The following HS3ST3B1 variants were observed in gnomAD, a reference collection of about 807,000 sequenced individuals.
HS3ST3B1 encodes heparan sulfate-glucosamine 3-sulfotransferase 3B1, also known as heparan sulfate glucosamine 3-O-sulfotransferase 3B1.
A neutral mutation model predicts 21.3 loss-of-function variants in HS3ST3B1; 13 were observed. That is an observed-to-expected ratio of 0.61 (90% CI 0.40 to 0.97). HS3ST3B1 has a LOEUF of 0.97. HS3ST3B1 is among the 50% of genes least tolerant of loss of function. The probability of loss-of-function intolerance (pLI) is 0.00; values close to 1 mark genes in which losing one functional copy is unlikely to be tolerated. For synonymous variants in HS3ST3B1, 234 were observed against 254.8 expected, an observed-to-expected ratio of 0.92 and a Z score of 0.78; for missense variants, 459 against 554.8, an observed-to-expected ratio of 0.83 and a Z score of 1.73.
At position 14,301,891 on chromosome 17, in the gene HS3ST3B1, A is replaced by G. The variant is rs1908944631; in HGVS notation, c.373A>G (p.Ile125Val). Residue 125 changes from isoleucine (I) to valine (V), a missense_variant, in exon 1 of 2, where the codon ATC becomes GTC. Physicochemically the swap from Ile to Val is conservative, Grantham distance 29 (BLOSUM62 3). Transcript: ENST00000360954. Reference protein sequence around the residue: ...SPEVPDSPSPISSFFSGSGSK... With the variant: ...SPEVPDSPSPVSSFFSGSGSK... The stretch of plus-strand genomic sequence containing the variant: ...CGAGGTGCCGGACTCCCCAAGCCCC[A>G]TCTCCAGCTTTTTCAGTGGGTCTGG... 5 of 1,608,624 alleles carry G rather than the reference A, an allele frequency of 3.1e-6. No individual in the cohort carries two copies. In the East Asian group the frequency reaches 1.1e-4, roughly 36 times the overall value.
intron 1 of HS3ST3B1, among the ~76,000 whole-genome samples, chr17:14,309,200 G>A (rs531539302): frequency 2.2e-4 from 34 of 152,346 alleles, no homozygotes; most frequent in African/African-American, 7.7e-4. Flanking sequence ...CGAGCCACCC[G>A]GCCTCGGGCA....
intron 1 of HS3ST3B1, among the ~76,000 whole-genome samples, chr17:14,331,409 C>T (rs934673003): frequency 2.6e-5 from 4 of 151,994 alleles, no homozygotes; most frequent in African/African-American, 9.7e-5. Flanking sequence ...CCCAGAGAAG[C>T]GAGATGCTCT....
At chr17:14,331,898 A>T (rs952742896) in intron 1 of HS3ST3B1, among the ~76,000 whole-genome samples, 3 of 152,154 alleles carry the variant, frequency 2.0e-5, no homozygotes, top group African/African-American at 7.2e-5. Context: ...GTTCCAGATA[A>T]GGAGTGGCAG....
intron 1 of HS3ST3B1, among the ~76,000 whole-genome samples, chr17:14,318,147 T>A (rs1909555685): frequency 6.6e-6 from 1 of 152,104 alleles, no homozygotes; most frequent in Non-Finnish European, 1.5e-5. Flanking sequence ...TGGTTTGAAG[T>A]ACTGAGGGAA....
At chr17:14,336,427 A>G (rs1910187816) in intron 1 of HS3ST3B1, among the ~76,000 whole-genome samples, 1 of 152,178 alleles carries the variant, frequency 6.6e-6, no homozygotes, top group Admixed American at 6.5e-5. Flanking sequence ...GCTTTTTAGA[A>G]CTGCTCTGGT....
intron 1 of HS3ST3B1, among the ~76,000 whole-genome samples, chr17:14,330,353 A>T (rs546562211): frequency 4.7e-4 from 71 of 152,200 alleles, no homozygotes; most frequent in African/African-American, 1.7e-3. Context: ...GAGCTGAGGA[A>T]CACCCTTTTA....
intron 1 of HS3ST3B1, among the ~76,000 whole-genome samples, chr17:14,322,963 T>C (rs1165489229): frequency 6.9e-6 from 1 of 144,424 alleles, no homozygotes; most frequent in African/African-American, 2.6e-5. Flanking sequence ...TGGAGTGCAA[T>C]GGCGCAATTT....
chr17:14,326,921 C>CAAAAAAA (rs60800866), intron 1 of HS3ST3B1, among the ~76,000 whole-genome samples: 9 of 60,448 alleles, frequency 1.5e-4, no homozygotes, highest in Admixed American at 1.9e-4. Flanking sequence ...AACTCTGTCT[C>CAAAAAAA]AAAAAAAAAA....
At chr17:14,342,374 A>G (rs1910415315) in intron 1 of HS3ST3B1, among the ~76,000 whole-genome samples, 1 of 152,186 alleles carries the variant, frequency 6.6e-6, no homozygotes, top group South Asian at 2.1e-4. Flanking sequence ...CACCCAATAA[A>G]TTGTCCGACT....
chr17:14,345,802 C>A lies in HS3ST3B1; in HGVS notation c.*156C>A. 1 of 933,662 alleles carries A rather than the reference C, an allele frequency of 1.1e-6. No individual in the cohort carries two copies. Among genetic ancestry groups the A allele is most frequent in the Non-Finnish European group, 1.5e-6 (1 of 648,834 alleles). 57.8% of individuals were successfully genotyped at this position (933,662 alleles called of 1,614,324 possible). On this transcript the variant is annotated 3_prime_UTR_variant, in exon 2 of 2. Transcript: ENST00000360954. ...CTAGCCACACTCTTTAGAGAGTTAG[C>A]TTCATAATCTGTTAACATTCCAAAG...
intron 1 of HS3ST3B1, among the ~76,000 whole-genome samples, chr17:14,307,448 A>G (rs996191473): frequency 6.6e-6 from 1 of 152,162 alleles, no homozygotes; most frequent in African/African-American, 2.4e-5. Context: ...TGAAAAGTCA[A>G]TATGTCATAT....
intron 1 of HS3ST3B1, among the ~76,000 whole-genome samples, chr17:14,306,546 A>G (rs1010849050): frequency 1.3e-5 from 2 of 152,276 alleles, no homozygotes; most frequent in Non-Finnish European, 2.9e-5. Context: ...TAGAATGAAC[A>G]TAGAAAACCC....
intron 1 of HS3ST3B1, among the ~76,000 whole-genome samples, chr17:14,322,249 G>C (rs892558931): frequency 1.1e-4 from 16 of 152,152 alleles, no homozygotes; most frequent in South Asian, 4.2e-4. Context: ...TCACATTCTG[G>C]ATTTTGAGTC....
chr17:14,341,070 A>G (rs537350193), intron 1 of HS3ST3B1, among the ~76,000 whole-genome samples: 1 of 152,320 alleles, frequency 6.6e-6, no homozygotes, highest in African/African-American at 2.4e-5. Flanking sequence ...TGGGACCAGC[A>G]GGCGGTCGAG....
chr17:14,327,915 T>C (rs1909865181), intron 1 of HS3ST3B1: 1 of 152,198 alleles, frequency 6.6e-6, no homozygotes, highest in South Asian at 2.1e-4. Flanking sequence ...TTTTTGGAAA[T>C]GGTCATTAGG....
At chr17:14,313,419 A>T (rs9890382) in intron 1 of HS3ST3B1, among the ~76,000 whole-genome samples, 1 of 151,608 alleles carries the variant, frequency 6.6e-6, no homozygotes, top group Non-Finnish European at 1.5e-5. Flanking sequence ...TCTCTGCAGG[A>T]CCTCCTCTTG....
chr17:14,309,482 G>A (rs909725704), intron 1 of HS3ST3B1, among the ~76,000 whole-genome samples: 12 of 152,130 alleles, frequency 7.9e-5, no homozygotes, highest in Non-Finnish European at 1.3e-4. Flanking sequence ...CTGATTGGGT[G>A]GAGGGGCTGC....
At chr17:14,320,141 GAC>G (rs1193156190) in intron 1 of HS3ST3B1, among the ~76,000 whole-genome samples, 1 of 152,166 alleles carries the variant, frequency 6.6e-6, no homozygotes, top group Admixed American at 6.5e-5. Flanking sequence ...TGCAGAGACA[GAC>G]TGTAGAGCAT....
At chr17:14,342,073 AG>A (rs1476184103) in intron 1 of HS3ST3B1, among the ~76,000 whole-genome samples, 1 of 152,200 alleles carries the variant, frequency 6.6e-6, no homozygotes, top group Non-Finnish European at 1.5e-5. Context: ...GTCTGCAAGA[AG>A]GAGTGCCCGC....
Sources: gnomAD v4.1 joint callset for allele counts (sites outside exome capture counted in the v4.1 genomes callset) on GRCh38, gnomAD v4.1.1 for gene constraint, MANE v1.5 for transcripts, NCBI Gene and HGNC (gene_info 2026-07-23, HGNC 2026-07-21) for gene names.